The following LRRC3B variants were observed in gnomAD, a reference collection of about 807,000 sequenced individuals.
The protein encoded by LRRC3B is leucine rich repeat containing 3B, also known as leucine-rich repeat-containing protein 3B.
Under a neutral mutation model 12.8 loss-of-function variants are expected in LRRC3B, and 2 were observed. That is an observed-to-expected ratio of 0.16 (90% CI 0.06 to 0.49). LRRC3B has a LOEUF of 0.49. Ranked by LOEUF, LRRC3B falls within the 20% of genes least tolerant of loss-of-function variation. The pLI is 0.96. For synonymous variants in LRRC3B, 132 were observed against 122.0 expected, an observed-to-expected ratio of 1.08 and a Z score of -0.54; for missense variants, 189 against 319.4, an observed-to-expected ratio of 0.59 and a Z score of 3.11.
intron 1 of LRRC3B, among the ~76,000 whole-genome samples, chr3:26,629,662 T>C (rs1447143131): frequency 6.6e-6 from 1 of 152,218 alleles, no homozygotes; most frequent in Non-Finnish European, 1.5e-5. Context: ...TCCACAATTA[T>C]ATTTAAGCTT....
intron 1 of LRRC3B, among the ~76,000 whole-genome samples, chr3:26,648,787 C>T (rs1226439273): frequency 6.6e-6 from 1 of 152,190 alleles, no homozygotes; most frequent in Non-Finnish European, 1.5e-5. Flanking sequence ...AATTTGAGTG[C>T]TTTGAAGAAT....
At chr3:26,648,833 T>A (rs572678961) in intron 1 of LRRC3B, among the ~76,000 whole-genome samples, 13 of 152,226 alleles carry the variant, frequency 8.5e-5, no homozygotes, top group Non-Finnish European at 1.5e-4. Flanking sequence ...ATATGGACTC[T>A]GCCTTAACAT....
At chr3:26,660,844 CT>C (rs1181388861) in intron 1 of LRRC3B, among the ~76,000 whole-genome samples, 1 of 152,152 alleles carries the variant, frequency 6.6e-6, no homozygotes. Flanking sequence ...TTGCCCAAAC[CT>C]ATTTCCTTAT....
At chr3:26,709,898 A>G in exon 2 of LRRC3B, 4 of 1,614,118 alleles carry the variant, frequency 2.5e-6, no homozygotes, top group Non-Finnish European at 2.5e-6. Context: ...CTCCAATCAG[A>G]TCACATCTAT....
At chr3:26,677,611 G>C (rs189120599) in intron 1 of LRRC3B, among the ~76,000 whole-genome samples, 4 of 152,146 alleles carry the variant, frequency 2.6e-5, no homozygotes, top group African/African-American at 9.7e-5. Context: ...ATAGACCTTC[G>C]AAGAATATTT....
intron 1 of LRRC3B, among the ~76,000 whole-genome samples, chr3:26,665,854 A>G (rs1479726426): frequency 6.6e-6 from 1 of 152,100 alleles, no homozygotes; most frequent in Non-Finnish European, 1.5e-5. Flanking sequence ...AGAGTAGCTC[A>G]TGTCCTGGAA....
chr3:26,630,916 C>T (rs1052024463), intron 1 of LRRC3B, among the ~76,000 whole-genome samples: 7 of 152,096 alleles, frequency 4.6e-5, no homozygotes, highest in Non-Finnish European at 4.4e-5. Flanking sequence ...AGGACAGGCC[C>T]GGGCAAATGG....
At chr3:26,665,343 T>G (rs1480174877) in intron 1 of LRRC3B, among the ~76,000 whole-genome samples, 7 of 152,146 alleles carry the variant, frequency 4.6e-5, no homozygotes, top group Non-Finnish European at 8.8e-5. Context: ...AAATCACATT[T>G]ACTAAACTAC....
Position 26,629,355 on chromosome 3 carries a change from C to T in LRRC3B, c.-161+6118C>T, listed in dbSNP as rs532878670. ...CTGCTATAATATTTCAGGACAAATA[C>T]GTCCTCTGGCGAGGACAGTGCTGAA... is the stretch of plus-strand genomic sequence containing the variant. On this transcript the variant is annotated intron_variant, in intron 1 of 1. Coordinates refer to ENST00000396641, the Ensembl canonical transcript of LRRC3B. 9.2e-5 allele frequency among the ~76,000 whole-genome samples: 14 copies of T among 152,310 alleles called. 1 individual carries two copies. The South Asian group carries it at 1.9e-3, about 20-fold the overall frequency.
chr3:26,678,489 G>A (rs1490671337), intron 1 of LRRC3B, among the ~76,000 whole-genome samples: 16 of 136,890 alleles, frequency 1.2e-4, no homozygotes, highest in Admixed American at 1.1e-3. Context: ...TTGAGACCCT[G>A]TCTCAAAAAA....
intron 1 of LRRC3B, chr3:26,694,828 A>G (rs1700269765): frequency 6.6e-6 from 1 of 152,184 alleles, no homozygotes; most frequent in African/African-American, 2.4e-5. Flanking sequence ...TTAACACGGA[A>G]TAGGTTGTCT....
chr3:26,681,551 T>G (rs368125296), intron 1 of LRRC3B, among the ~76,000 whole-genome samples: 1 of 152,178 alleles, frequency 6.6e-6, no homozygotes, highest in African/African-American at 2.4e-5. Flanking sequence ...GAGACTTGAT[T>G]TTTCTTATCT....
intron 1 of LRRC3B, among the ~76,000 whole-genome samples, chr3:26,631,744 T>A (rs955663561): frequency 6.6e-6 from 1 of 152,068 alleles, no homozygotes; most frequent in African/African-American, 2.4e-5. Context: ...CATAGACTAT[T>A]TGGGAACCAG....
intron 1 of LRRC3B, among the ~76,000 whole-genome samples, chr3:26,672,818 A>C (rs1699775313): frequency 6.6e-6 from 1 of 152,182 alleles, no homozygotes; most frequent in South Asian, 2.1e-4. Context: ...TCTTTATGGA[A>C]CATCTTAATT....
chr3:26,683,076 T>C (rs367571056), intron 1 of LRRC3B, among the ~76,000 whole-genome samples: 10 of 152,298 alleles, frequency 6.6e-5, no homozygotes, highest in African/African-American at 2.4e-4. Context: ...GGTTACAAGA[T>C]GTTCTGGGAC....
intron 1 of LRRC3B, among the ~76,000 whole-genome samples, chr3:26,686,509 T>G (rs1179790527): frequency 6.6e-6 from 1 of 152,244 alleles, no homozygotes; most frequent in Non-Finnish European, 1.5e-5. Flanking sequence ...TTTTCTCTCC[T>G]GCATCCCCCA....
intron 1 of LRRC3B, among the ~76,000 whole-genome samples, chr3:26,627,093 C>T (rs73148413): frequency 7.3e-4 from 111 of 152,274 alleles, no homozygotes; most frequent in African/African-American, 2.6e-3. Flanking sequence ...TTGTCACTTC[C>T]GATAATATTT....
intron 1 of LRRC3B, among the ~76,000 whole-genome samples, chr3:26,632,142 G>C (rs1168115950): frequency 1.3e-5 from 2 of 152,202 alleles, no homozygotes. Flanking sequence ...GACTGGTAAA[G>C]GGACAAGGTA....
chr3:26,640,845 A>T (rs999848552), intron 1 of LRRC3B, among the ~76,000 whole-genome samples: 1 of 152,186 alleles, frequency 6.6e-6, no homozygotes, highest in African/African-American at 2.4e-5. Context: ...GGGAATCCTG[A>T]GTTGATCCAG....
Sources: allele counts gnomAD v4.1 joint callset (sites outside exome capture counted in the v4.1 genomes callset), GRCh38; gene constraint gnomAD v4.1.1; transcripts MANE v1.5; gene names NCBI Gene and HGNC (gene_info 2026-07-23, HGNC 2026-07-21).